Variants in NCK2 observed in about 807,000 individuals in gnomAD.
NCK2 encodes the protein NCK adaptor protein 2, also known as cytoplasmic protein NCK2.
NCK2 carries 16 observed loss-of-function variants against 33.9 expected under a neutral mutation model. The observed-to-expected ratio is 0.47, with a 90% confidence interval of 0.32 to 0.72. The LOEUF (loss-of-function observed/expected upper bound fraction) is 0.72. Ranked by LOEUF, NCK2 falls within the 30% of genes least tolerant of loss-of-function variation. The probability of loss-of-function intolerance (pLI) is 0.03; values close to 1 mark genes in which losing one functional copy is unlikely to be tolerated. For synonymous variants in NCK2, 273 were observed against 239.9 expected (o/e 1.14, Z -1.27); for missense variants, 418 against 537.3 (o/e 0.78, Z 2.19).
chr2:105,893,263 G>T lies in NCK2; in HGVS notation c.*87G>T. On this transcript the variant is annotated 3_prime_UTR_variant, in exon 5 of 5. Transcript: ENST00000233154. ...TGGCAGAGGCTCCTCCCGCGGGGAC[G>T]GCCCCGACGGCTTCTCTGCGAGTCT... 7.9e-7 allele frequency: 1 copy of T among 1,262,322 alleles called. No individual in the cohort carries two copies. 78.2% of individuals were successfully genotyped at this position (1,262,322 alleles called of 1,614,324 possible). A position where few individuals can be genotyped will look rare whatever the true frequency, so the allele number is the denominator to read the frequency against.
intron 1 of NCK2, among the ~76,000 whole-genome samples, chr2:105,804,119 A>G (rs568499384): frequency 6.6e-6 from 1 of 152,258 alleles, no homozygotes; most frequent in East Asian, 1.9e-4. Context: ...CTCAGGATTT[A>G]CTAATTTCAA....
chr2:105,881,250 C>T, intron 3 of NCK2, 78 bp from the exon 4 acceptor site: 1 of 1,502,092 alleles, frequency 6.7e-7, no homozygotes, highest in Admixed American at 2.2e-5. Flanking sequence ...AGAGAAACTG[C>T]GTGGAAATCC....
intron 3 of NCK2, among the ~76,000 whole-genome samples, chr2:105,870,869 G>A (rs114018770): frequency 1.3e-5 from 2 of 152,094 alleles, no homozygotes; most frequent in African/African-American, 2.4e-5. Context: ...CAGTAACAGC[G>A]GTGCTTTCAC....
intron 1 of NCK2, among the ~76,000 whole-genome samples, chr2:105,749,641 GTA>G (rs774230225): frequency 7.2e-5 from 11 of 152,114 alleles, no homozygotes; most frequent in Non-Finnish European, 1.3e-4. Flanking sequence ...GTGTCCTTGG[GTA>G]TCTGCCTTTG....
In NCK2 at chr2:105,759,936, G is replaced by A. The variant is rs1378809263; in HGVS notation, c.-201+14798G>A. Among the ~76,000 whole-genome samples, 18 of 152,162 alleles carry A rather than the reference G, an allele frequency of 1.2e-4. 1 individual carries two copies. Among genetic ancestry groups the A allele is most frequent in the Admixed American group, 1.2e-3 (18 of 15,278 alleles). On this transcript the variant is annotated intron_variant, in intron 1 of 4. Transcript: ENST00000233154. ...GAGGTAATGTGCCATTTTGTATCAA[G>A]GGTCCATGTGATCAGCGTGGCTTAT...
chr2:105,880,477 G>C (rs538893757), intron 3 of NCK2, among the ~76,000 whole-genome samples: 1 of 152,202 alleles, frequency 6.6e-6, no homozygotes, highest in African/African-American at 2.4e-5. Context: ...CAGTAGGGCT[G>C]TTATGCTGCC....
intron 2 of NCK2, among the ~76,000 whole-genome samples, chr2:105,819,663 C>T (rs532492209): frequency 5.3e-5 from 8 of 152,294 alleles, no homozygotes; most frequent in South Asian, 4.1e-4. Flanking sequence ...GTAGACAAGA[C>T]GGTACATGGA....
intron 2 of NCK2, among the ~76,000 whole-genome samples, chr2:105,832,194 A>G (rs182229092): frequency 2.5e-4 from 38 of 152,308 alleles, no homozygotes; most frequent in African/African-American, 2.4e-5. Context: ...GGTATATAGA[A>G]GAAACACTAC....
intron 1 of NCK2, among the ~76,000 whole-genome samples, chr2:105,765,782 A>AGG (rs200765500): frequency 6.6e-4 from 88 of 133,236 alleles, no homozygotes; most frequent in African/African-American, 2.6e-3. Flanking sequence ...AGCTTAGAAT[A>AGG]GGGGGTGTGT....
chr2:105,883,646 G>C (rs186039055), intron 4 of NCK2, among the ~76,000 whole-genome samples: 12 of 152,332 alleles, frequency 7.9e-5, no homozygotes, highest in Admixed American at 7.2e-4. Flanking sequence ...GGTCATTGCT[G>C]TCTGAATTCA....
intron 1 of NCK2, among the ~76,000 whole-genome samples, chr2:105,769,839 C>G (rs1030750738): frequency 6.6e-6 from 1 of 152,176 alleles, no homozygotes. Context: ...TTTAATCCCT[C>G]GGAGTAATCT....
chr2:105,761,757 G>A (rs1689770244), intron 1 of NCK2, among the ~76,000 whole-genome samples: 2 of 152,156 alleles, frequency 1.3e-5, no homozygotes, highest in Non-Finnish European at 1.5e-5. Context: ...GCAAGTGCCT[G>A]TAGTCCCAGC....
At chr2:105,749,084 C>T (rs1457769617) in intron 1 of NCK2, among the ~76,000 whole-genome samples, 1 of 152,174 alleles carries the variant, frequency 6.6e-6, no homozygotes, top group Admixed American at 6.5e-5. Context: ...AACAAAAAAA[C>T]AAAGCCAACC....
chr2:105,851,575 G>A (rs1482811063), intron 2 of NCK2, among the ~76,000 whole-genome samples: 3 of 152,238 alleles, frequency 2.0e-5, no homozygotes, highest in Non-Finnish European at 4.4e-5. Flanking sequence ...GCTTTCTAAG[G>A]GTCTTGGGAA....
chr2:105,893,371 G>T lies in NCK2; in HGVS notation c.*195G>T. The stretch of plus-strand genomic sequence containing the variant: ...ACCCACACTCGAGCCCACCCGGCCG[G>T]CCAGCTTTAGAGGAGGGGAGGAGCA... On this transcript the variant is annotated 3_prime_UTR_variant, in exon 5 of 5. Coordinates refer to ENST00000233154, the MANE Select transcript of NCK2 (RefSeq NM_003581.5). 5.3e-6 allele frequency: 3 copies of T among 562,822 alleles called. No homozygotes were observed. Among genetic ancestry groups the T allele is most frequent in the South Asian group, 2.4e-5 (1 of 41,448 alleles). The allele number at this position is 562,822 out of a possible 1,614,324, so 34.9% of individuals were successfully genotyped here.
intron 2 of NCK2, among the ~76,000 whole-genome samples, chr2:105,825,608 A>G (rs1675907458): frequency 6.6e-6 from 1 of 152,242 alleles, no homozygotes; most frequent in African/African-American, 2.4e-5. Flanking sequence ...CAGCAGAGAA[A>G]TCACATAGCA....
rs138481438 is a variant in NCK2 at position 105,824,372 on chromosome 2, C to T, written c.-17+7759C>T. Among the ~76,000 whole-genome samples, 4 of 152,270 alleles carry T rather than the reference C, an allele frequency of 2.6e-5. No homozygotes were observed. In the East Asian group the frequency reaches 7.7e-4, roughly 29 times the overall value. On this transcript the variant is annotated intron_variant, in intron 2 of 4. Transcript: ENST00000233154. The stretch of plus-strand genomic sequence containing the variant: ...TTTATTTAGTGCCTTCCGGAATATG[C>T]CACTTATGATCTTACCCAGAGGTTA...
rs546392671 is a variant in NCK2, at chr2:105,844,821, AATAG to A, written c.-16-10223_-16-10220del. On this transcript the variant is annotated intron_variant, in intron 2 of 4. Coordinates refer to ENST00000233154, the MANE Select transcript of NCK2 (RefSeq NM_003581.5). ...GAATATATAAATATATATACATAAA[AATAG>A]ATATATATATTTTGAAATATCAAGC... Among the ~76,000 whole-genome samples, 493 of 148,918 alleles carry A rather than the reference AATAG, an allele frequency of 3.3e-3. 2 individuals are homozygous for A. Among genetic ancestry groups the A allele is most frequent in the African/African-American group, 0.011 (458 of 40,918 alleles).
chr2:105,855,082 G>T lies in NCK2; in HGVS notation c.19G>T (p.Val7Leu), dbSNP rs769339535. Residue 7 changes from valine (V) to leucine (L), a missense_variant, in exon 3 of 5, where the codon GTG becomes TTG. Coordinates refer to ENST00000233154, the MANE Select transcript of NCK2 (RefSeq NM_003581.5). ...ATGAAAGATGACAGAAGAAGTTATT[G>T]TGATAGCCAAGTGGGACTACACCGC... MTEEVI[V>L]IAKWDYTAQQ... is the part of the protein sequence containing the mutation. 2 of 1,614,176 alleles carry T rather than the reference G, an allele frequency of 1.2e-6. No individual in the cohort carries two copies. Among genetic ancestry groups the T allele is most frequent in the Admixed American group, 3.3e-5 (2 of 60,022 alleles).
Sources: allele counts gnomAD v4.1 joint callset (sites outside exome capture counted in the v4.1 genomes callset), GRCh38; gene constraint gnomAD v4.1.1; transcripts MANE v1.5; gene names NCBI Gene and HGNC (gene_info 2026-07-23, HGNC 2026-07-21).